Variants in COL24A1 observed in about 807,000 individuals in gnomAD.
The protein encoded by COL24A1 is collagen type XXIV alpha 1 chain, also known as collagen alpha-1(XXIV) chain.
In COL24A1, 224 loss-of-function variants were observed where a neutral mutation model predicts 253.9. The ratio of observed to expected loss-of-function variants is 0.88; its 90% CI spans 0.79 to 0.99. The LOEUF (loss-of-function observed/expected upper bound fraction) is 0.99, where lower values mean the gene tolerates loss of function less well. Among genes scored for constraint, COL24A1 ranks in the 50% least tolerant of loss-of-function variants. COL24A1 has a pLI of 0.00. For synonymous variants in COL24A1, 685 were observed against 673.7 expected (o/e 1.02, Z -0.26); for missense variants, 2,131 against 2,068.5 (o/e 1.03, Z -0.59).
intron 45 of COL24A1, among the ~76,000 whole-genome samples, chr1:85,820,130 G>A (rs924362629): frequency 3.9e-5 from 6 of 152,106 alleles, no homozygotes; most frequent in African/African-American, 1.4e-4. Flanking sequence ...TTACAGGCAT[G>A]AGCCACCATG....
chr1:86,028,467 G>A (rs543210059), intron 14 of COL24A1, among the ~76,000 whole-genome samples: 13 of 150,904 alleles, frequency 8.6e-5, no homozygotes, highest in Non-Finnish European at 1.6e-4. Flanking sequence ...GGTTTTATAA[G>A]CATCTGGCAT....
intron 24 of COL24A1, among the ~76,000 whole-genome samples, chr1:85,942,805 ACTG>A (rs770453740): frequency 1.3e-5 from 2 of 152,198 alleles, no homozygotes; most frequent in Non-Finnish European, 2.9e-5. Context: ...CAGTGGAACT[ACTG>A]CTTTGTTACT....
At chr1:85,757,607 T>C (rs1666401136) in intron 55 of COL24A1, among the ~76,000 whole-genome samples, 1 of 152,128 alleles carries the variant, frequency 6.6e-6, no homozygotes, top group Non-Finnish European at 1.5e-5. Context: ...AGAAAAGAAA[T>C]TTCATAACAC....
chr1:86,008,019 C>A (rs1422587656), intron 19 of COL24A1, among the ~76,000 whole-genome samples: 1 of 151,980 alleles, frequency 6.6e-6, no homozygotes, highest in Non-Finnish European at 1.5e-5. Context: ...ACAAATGTGC[C>A]ACTCTTGTAG....
chr1:85,993,570 A>C (rs906870077), intron 19 of COL24A1, among the ~76,000 whole-genome samples: 6 of 152,206 alleles, frequency 3.9e-5, no homozygotes, highest in African/African-American at 1.4e-4. Context: ...AGGAACAGAA[A>C]TAAAGTATTA....
Position 86,075,689 on chromosome 1 carries a change from T to G in COL24A1, c.1708-11930A>C, listed in dbSNP as rs1571841576. On this transcript the variant is annotated intron_variant, in intron 7 of 59. Transcript: ENST00000370571. ...ATCCAGCAGCACATCAAAAAGCTTATCCACCATGATCAAGTCAGCTTCATC... is the reference window on the plus strand; with the variant it reads ...ATCCAGCAGCACATCAAAAAGCTTAGCCACCATGATCAAGTCAGCTTCATC... 2.6e-5 allele frequency among the ~76,000 whole-genome samples: 4 copies of G among 152,160 alleles called. No homozygotes were observed. The South Asian group carries it at 6.2e-4, about 24-fold the overall frequency.
chr1:85,735,478 G>A (rs1399563591), intron 58 of COL24A1, among the ~76,000 whole-genome samples: 1 of 151,966 alleles, frequency 6.6e-6, no homozygotes, highest in East Asian at 1.9e-4. Context: ...TGAGTTACAA[G>A]CTGTAACAAT....
intron 43 of COL24A1, among the ~76,000 whole-genome samples, chr1:85,829,884 C>T (rs1377548475): frequency 5.9e-5 from 9 of 152,088 alleles, no homozygotes; most frequent in Middle Eastern, 3.2e-3. Flanking sequence ...TCCCATAGCT[C>T]GGAGTAATTT....
chr1:86,093,438 T>C (rs1703654537), intron 5 of COL24A1, among the ~76,000 whole-genome samples: 3 of 152,078 alleles, frequency 2.0e-5, no homozygotes, highest in African/African-American at 2.4e-5. Context: ...CAGATAGTTG[T>C]AGGTGTGCAG....
Position 86,063,724 on chromosome 1 carries a change from TG to T in COL24A1, c.1742del (p.Pro581GlnfsTer24). 7 of 1,552,766 alleles carry T rather than the reference TG, an allele frequency of 4.5e-6. No homozygotes were observed. Among genetic ancestry groups the T allele is most frequent in the Non-Finnish European group, 6.1e-6 (7 of 1,148,838 alleles). On this transcript the variant is annotated frameshift_variant, in exon 8 of 60. Transcript: ENST00000370571. LOFTEE classifies it high-confidence loss of function. ...LKGHPGLPGL[P>X]GEQGIPGFAG... is the part of the protein sequence containing the mutation. The stretch of plus-strand genomic sequence containing the variant: ...TAAAGGAAGTACCTACTTGTTCACC[TG>T]GAAGTCCTGGGAGTCCAGGATGTCC...
rs577088935 is a variant in COL24A1, at chr1:85,862,343, T to C, written c.3300+6176A>G. Reference sequence around the variant, plus strand: ...ACAAATATTTTATAGAATCACAGTCTGTAAGGCTGAATAAAAGTTTAGAAA... The same window carrying C: ...ACAAATATTTTATAGAATCACAGTCCGTAAGGCTGAATAAAAGTTTAGAAA... On this transcript the variant is annotated intron_variant, in intron 37 of 59. Transcript: ENST00000370571. Among the ~76,000 whole-genome samples the C allele has an allele frequency of 5.1e-4, 78 of 152,308 alleles. 2 individuals are homozygous for C. In the South Asian group the frequency reaches 0.016, roughly 32 times the overall value.
intron 53 of COL24A1, among the ~76,000 whole-genome samples, chr1:85,771,778 TTTTA>T (rs200015208): frequency 0.14 from 20,194 of 146,532 alleles, 1,562 homozygotes; most frequent in East Asian, 0.24. Flanking sequence ...TGCCTGACTT[TTTTA>T]TTTATTTATT....
intron 43 of COL24A1, among the ~76,000 whole-genome samples, chr1:85,835,173 G>A (rs917407404): frequency 6.6e-6 from 1 of 150,674 alleles, no homozygotes; most frequent in Non-Finnish European, 1.5e-5. Context: ...AGGCTGGAGT[G>A]CAGTGGCATG....
At position 86,015,388 on chromosome 1, in the gene COL24A1, T is replaced by C. The variant is rs188065666; in HGVS notation, c.2310+1763A>G. On this transcript the variant is annotated intron_variant, in intron 19 of 59. Coordinates refer to ENST00000370571, the MANE Select transcript of COL24A1 (RefSeq NM_152890.7). The stretch of plus-strand genomic sequence containing the variant: ...AGATAATGAGATAATGTTTTCAGTG[T>C]TGATGGATATTATGAAATTTTAAAG... 7.9e-5 allele frequency among the ~76,000 whole-genome samples: 12 copies of C among 152,310 alleles called. No individual in the cohort carries two copies. In the East Asian group the frequency reaches 2.3e-3, roughly 29 times the overall value.
At chr1:85,792,714 A>G (rs1670421768) in intron 47 of COL24A1, among the ~76,000 whole-genome samples, 1 of 151,938 alleles carries the variant, frequency 6.6e-6, no homozygotes, top group Non-Finnish European at 1.5e-5. Context: ...TCTCAAAAAT[A>G]AACAAATAAA....
chr1:85,823,756 T>G lies in COL24A1; in HGVS notation c.3682-18A>C. The G allele has an allele frequency of 6.2e-7, 1 of 1,610,852 alleles. No homozygotes were observed. The highest frequency in any genetic ancestry group is 8.5e-7 in the Non-Finnish European group (1 of 1,177,400). Reference sequence around the variant, plus strand: ...ACATGGCCCTAGAAATAGAAAAGATTACATTATTAGAGTAAGTAGAGACAT... The same window carrying G: ...ACATGGCCCTAGAAATAGAAAAGATGACATTATTAGAGTAAGTAGAGACAT... On this transcript the variant is annotated intron_variant, in intron 43 of 59. Transcript: ENST00000370571.
intron 24 of COL24A1, among the ~76,000 whole-genome samples, chr1:85,939,662 C>A (rs575081331): frequency 2.6e-5 from 4 of 152,222 alleles, no homozygotes; most frequent in African/African-American, 9.6e-5. Context: ...ACTTTGACAG[C>A]AAAAGCTATA....
chr1:85,945,069 G>C (rs1356082825), intron 24 of COL24A1, among the ~76,000 whole-genome samples: 1 of 130,334 alleles, frequency 7.7e-6, no homozygotes, highest in Admixed American at 9.0e-5. Flanking sequence ...CCAGGCTGGA[G>C]GGCAGTGGCA....
At chr1:85,742,279 G>A (rs779209241) in intron 57 of COL24A1, among the ~76,000 whole-genome samples, 2 of 151,478 alleles carry the variant, frequency 1.3e-5, no homozygotes, top group Non-Finnish European at 2.9e-5. Flanking sequence ...CTACAGGTGC[G>A]TGCCACCACA....
Sources: gnomAD v4.1 joint callset for allele counts (sites outside exome capture counted in the v4.1 genomes callset) on GRCh38, gnomAD v4.1.1 for gene constraint, MANE v1.5 for transcripts, NCBI Gene and HGNC (gene_info 2026-07-23, HGNC 2026-07-21) for gene names.